LRP1B: variants seen among roughly 807,000 people sequenced by gnomAD.
LRP1B encodes the protein low-density lipoprotein receptor-related protein 1B.
In LRP1B, 217 loss-of-function variants were observed where a neutral mutation model predicts 556.6. The ratio of observed to expected loss-of-function variants is 0.39; its 90% CI spans 0.35 to 0.44. The LOEUF (loss-of-function observed/expected upper bound fraction) is 0.44. Among genes scored for constraint, LRP1B ranks in the 20% least tolerant of loss-of-function variants. The pLI is 1.00. For synonymous variants in LRP1B, 2,047 were observed against 1,865.8 expected (o/e 1.10, Z -2.50); for missense variants, 5,053 against 5,620.8 (o/e 0.90, Z 3.23).
chr2:140,450,560 A>G lies in LRP1B; in HGVS notation c.10057+8T>C, dbSNP rs772301484. The G allele has an allele frequency of 6.3e-7, 1 of 1,592,990 alleles. No individual in the cohort carries two copies. The highest frequency in any genetic ancestry group is 1.7e-5 in the Admixed American group (1 of 59,438). On this transcript the variant is annotated splice_region_variant and intron_variant, in intron 63 of 90. Coordinates refer to ENST00000389484, the MANE Select transcript of LRP1B (RefSeq NM_018557.3). Reference sequence around the variant, plus strand: ...ATTCTAAATTTCAATATTTGCCAGTATACTCACGACAGTCATCAGGTTCAT... The same window carrying G: ...ATTCTAAATTTCAATATTTGCCAGTGTACTCACGACAGTCATCAGGTTCAT...
intron 2 of LRP1B, among the ~76,000 whole-genome samples, chr2:141,589,761 T>A (rs964427748): frequency 6.6e-6 from 1 of 152,180 alleles, no homozygotes; most frequent in African/African-American, 2.4e-5. Context: ...GTCATATGGC[T>A]AAATCCTGGG....
chr2:141,373,472 T>C (rs1386988479), intron 3 of LRP1B, among the ~76,000 whole-genome samples: 1 of 152,150 alleles, frequency 6.6e-6, no homozygotes, highest in Non-Finnish European at 1.5e-5. Context: ...TATTGCTGTC[T>C]ATCTCTTTTT....
At chr2:141,870,089 A>G (rs1256606597) in intron 1 of LRP1B, among the ~76,000 whole-genome samples, 1 of 152,030 alleles carries the variant, frequency 6.6e-6, no homozygotes, top group African/African-American at 2.4e-5. Flanking sequence ...TGAGGAAGGC[A>G]CAAGCAAATA....
chr2:140,303,855 T>G (rs1268995886), intron 83 of LRP1B, among the ~76,000 whole-genome samples: 1 of 151,228 alleles, frequency 6.6e-6, no homozygotes, highest in Non-Finnish European at 1.5e-5. Flanking sequence ...TTCCCCTTCC[T>G]GTGCCCAAGT....
At chr2:141,012,677 G>GA (rs1195771042) in intron 14 of LRP1B, among the ~76,000 whole-genome samples, 3 of 151,896 alleles carry the variant, frequency 2.0e-5, no homozygotes, top group East Asian at 1.9e-4. Context: ...AATATAGTGG[G>GA]AAAAAACTGA....
At chr2:141,403,235 C>A (rs1039603560) in intron 3 of LRP1B, among the ~76,000 whole-genome samples, 1 of 151,978 alleles carries the variant, frequency 6.6e-6, no homozygotes, top group Non-Finnish European at 1.5e-5. Context: ...GTGTTTATTT[C>A]TTAAATGTTT....
At position 141,083,632 on chromosome 2, in the gene LRP1B, G is replaced by C. The variant is rs561847841; in HGVS notation, c.1014-21359C>G. 2.0e-3 allele frequency among the ~76,000 whole-genome samples: 307 copies of C among 152,270 alleles called. 1 individual carries two copies. The highest frequency in any genetic ancestry group is 6.6e-3 in the African/African-American group (276 of 41,548). On this transcript the variant is annotated intron_variant, in intron 7 of 90. Transcript: ENST00000389484. ...ATTGGGTCATAAGAGCTCTGCTTTC[G>C]TAAGTGGATTAATCCATTTATGGAT...
intron 84 of LRP1B, among the ~76,000 whole-genome samples, chr2:140,285,500 T>C (rs569023951): frequency 6.6e-6 from 1 of 151,560 alleles, no homozygotes; most frequent in African/African-American, 2.4e-5. Flanking sequence ...ATATTGAGAG[T>C]CACCTTGAAA....
Position 140,323,943 on chromosome 2 carries a change from A to G in LRP1B, c.12464T>C (p.Ile4155Thr). 5 of 1,590,254 alleles carry G rather than the reference A, an allele frequency of 3.1e-6. No individual in the cohort carries two copies. The highest frequency in any genetic ancestry group is 4.3e-6 in the Non-Finnish European group (5 of 1,159,414). The change falls in exon 81 of 91, where the codon ATT becomes ACT. Residue 4155 changes from isoleucine to threonine, a missense_variant. Coordinates refer to ENST00000389484, the MANE Select transcript of LRP1B (RefSeq NM_018557.3). ...HGSVEYLALNIDKTKGVLISH... is the reference protein window; with the variant it reads ...HGSVEYLALNTDKTKGVLISH... ...TATCAAAACACCTTTTGTTTTATCA[A>G]TATTTAAAGCTAAGTACTCTACTGA... is the stretch of plus-strand genomic sequence containing the variant.
chr2:141,702,379 G>A (rs1015641699), intron 2 of LRP1B, among the ~76,000 whole-genome samples: 9 of 151,956 alleles, frequency 5.9e-5, no homozygotes, highest in South Asian at 2.1e-4. Context: ...TAATGTAACC[G>A]TTGTCCCCTG....
At chr2:141,760,490 T>C (rs1271486757) in intron 2 of LRP1B, among the ~76,000 whole-genome samples, 1 of 152,194 alleles carries the variant, frequency 6.6e-6, no homozygotes, top group Admixed American at 6.5e-5. Context: ...AATTTATTAT[T>C]TTATGGTATG....
intron 14 of LRP1B, among the ~76,000 whole-genome samples, chr2:141,006,285 T>A (rs1214048225): frequency 6.6e-6 from 1 of 152,038 alleles, no homozygotes; most frequent in Non-Finnish European, 1.5e-5. Context: ...TTCTTTATGT[T>A]GGGAACATTC....
intron 83 of LRP1B, among the ~76,000 whole-genome samples, chr2:140,309,802 A>G (rs557693765): frequency 6.6e-6 from 1 of 151,946 alleles, no homozygotes; most frequent in Admixed American, 6.6e-5. Flanking sequence ...TTATGTATAC[A>G]TAATTTCCCT....
At chr2:140,309,498 G>A (rs765662533) in intron 83 of LRP1B, among the ~76,000 whole-genome samples, 2 of 151,724 alleles carry the variant, frequency 1.3e-5, no homozygotes, top group African/African-American at 2.4e-5. Context: ...TGGTCCAATC[G>A]AATCACTAAC....
chr2:141,352,950 T>C (rs1353543896), intron 3 of LRP1B, among the ~76,000 whole-genome samples: 1 of 151,988 alleles, frequency 6.6e-6, no homozygotes, highest in Non-Finnish European at 1.5e-5. Flanking sequence ...TTTTTCATAG[T>C]TTTAGCTATC....
intron 3 of LRP1B, among the ~76,000 whole-genome samples, chr2:141,384,750 T>G (rs1162471197): frequency 6.6e-6 from 1 of 152,170 alleles, no homozygotes; most frequent in Non-Finnish European, 1.5e-5. Flanking sequence ...CCATTTCTGT[T>G]AAAGACTGTT....
intron 1 of LRP1B, among the ~76,000 whole-genome samples, chr2:141,975,705 T>C (rs1020187389): frequency 7.2e-5 from 11 of 152,032 alleles, no homozygotes; most frequent in Non-Finnish European, 1.3e-4. Flanking sequence ...GGCATTAAAC[T>C]GTGGTGAGTC....
Position 141,431,142 on chromosome 2 carries a change from A to AAAATAAATAAATAAATAAATAAAT in LRP1B, c.343+49230_343+49253dup, listed in dbSNP as rs36102221. Among the ~76,000 whole-genome samples, 229 of 148,288 alleles carry AAAATAAATAAATAAATAAATAAAT rather than the reference A, an allele frequency of 1.5e-3. 1 individual carries two copies. Among genetic ancestry groups the AAAATAAATAAATAAATAAATAAAT allele is most frequent in the South Asian group, 4.4e-3 (20 of 4,570 alleles). On this transcript the variant is annotated intron_variant, in intron 3 of 90. Coordinates refer to ENST00000389484, the MANE Select transcript of LRP1B (RefSeq NM_018557.3). ...GAGAGTGACTCTGTCTCAAAAAATC[A>AAAATAAATAAATAAATAAATAAAT]AAATAAATAAATAAATAAATAAATG...
chr2:140,584,911 T>A (rs1014913223), intron 43 of LRP1B, among the ~76,000 whole-genome samples: 2 of 152,150 alleles, frequency 1.3e-5, no homozygotes, highest in Admixed American at 1.3e-4. Context: ...TTTTTTCATT[T>A]TATTCAGAGC....
Sources: allele counts gnomAD v4.1 joint callset (sites outside exome capture counted in the v4.1 genomes callset), GRCh38; gene constraint gnomAD v4.1.1; transcripts MANE v1.5; gene names NCBI Gene and HGNC (gene_info 2026-07-23, HGNC 2026-07-21).